SAMD12: variants seen among roughly 807,000 people sequenced by gnomAD.
The protein encoded by SAMD12 is sterile alpha motif domain containing 12.
A neutral mutation model predicts 15.0 loss-of-function variants in SAMD12; 9 were observed. The ratio of observed to expected loss-of-function variants is 0.60; its 90% CI spans 0.36 to 1.05. The LOEUF (loss-of-function observed/expected upper bound fraction) is 1.05, where lower values mean the gene tolerates loss of function less well. SAMD12 is among the 50% of genes least tolerant of loss of function. The pLI is 0.01. For synonymous variants in SAMD12, 86 were observed against 90.1 expected (o/e 0.96, Z 0.25); for missense variants, 230 against 234.2 (o/e 0.98, Z 0.12).
At chr8:118,479,132 T>C (rs999729948) in intron 2 of SAMD12, among the ~76,000 whole-genome samples, 1 of 148,364 alleles carries the variant, frequency 6.7e-6, no homozygotes, top group African/African-American at 2.6e-5. Flanking sequence ...TGTGTCTCAG[T>C]TTCTGTCTCT....
intron 2 of SAMD12, among the ~76,000 whole-genome samples, chr8:118,553,249 G>A (rs1354655577): frequency 6.6e-6 from 1 of 152,134 alleles, no homozygotes; most frequent in Non-Finnish European, 1.5e-5. Context: ...AAAGAACAAA[G>A]CTGGAGGCAT....
chr8:118,482,455 G>A (rs145391533), intron 2 of SAMD12, among the ~76,000 whole-genome samples: 29 of 149,806 alleles, frequency 1.9e-4, no homozygotes, highest in African/African-American at 6.1e-4. Flanking sequence ...AACCTTGGAC[G>A]GGAAATATAT....
At chr8:118,402,674 C>T (rs1038634751) in intron 3 of SAMD12, among the ~76,000 whole-genome samples, 3 of 152,170 alleles carry the variant, frequency 2.0e-5, no homozygotes, top group Middle Eastern at 3.2e-3. Context: ...TAAATATTCT[C>T]CTGTGTGTGT....
chr8:118,467,934 A>G (rs1823644744), intron 2 of SAMD12, among the ~76,000 whole-genome samples: 1 of 152,200 alleles, frequency 6.6e-6, no homozygotes, highest in African/African-American at 2.4e-5. Context: ...CGAGTGCATA[A>G]AGATGGGGAC....
intron 2 of SAMD12, among the ~76,000 whole-genome samples, chr8:118,509,882 T>C (rs781225524): frequency 3.3e-5 from 5 of 152,188 alleles, no homozygotes; most frequent in African/African-American, 7.2e-5. Context: ...AAGCATAACA[T>C]TGTAATTGTT....
chr8:118,401,685 T>G (rs1310981561), intron 3 of SAMD12, among the ~76,000 whole-genome samples: 2 of 152,018 alleles, frequency 1.3e-5, no homozygotes, highest in Non-Finnish European at 2.9e-5. Context: ...AAGGGCTTCA[T>G]GTAAAAGATC....
intron 2 of SAMD12, among the ~76,000 whole-genome samples, chr8:118,521,668 C>CGTT (rs1825393131): frequency 6.6e-6 from 1 of 151,322 alleles, no homozygotes; most frequent in Non-Finnish European, 1.5e-5. Flanking sequence ...TCTTCCAAGA[C>CGTT]TGGGCTGTGC....
chr8:118,296,820 C>T (rs1481080139), intron 4 of SAMD12, among the ~76,000 whole-genome samples: 1 of 152,210 alleles, frequency 6.6e-6, no homozygotes, highest in Non-Finnish European at 1.5e-5. Context: ...TTCATTCACT[C>T]ACTCATTCAT....
At chr8:118,380,531 C>T (rs1022483379) in intron 3 of SAMD12, among the ~76,000 whole-genome samples, 7 of 152,196 alleles carry the variant, frequency 4.6e-5, no homozygotes, top group African/African-American at 1.7e-4. Context: ...CCACTCTGTG[C>T]TTGCCCTAAA....
At chr8:118,178,332 T>C in the SAMD12 span, among the ~76,000 whole-genome samples, 1 of 152,200 alleles carries the variant, frequency 6.6e-6, no homozygotes, top group Admixed American at 6.5e-5. Context: ...TGGAAATGCA[T>C]GCAAGAAACA....
the SAMD12 span, among the ~76,000 whole-genome samples, chr8:118,175,034 C>CAAAAAAAAAA: frequency 3.8e-5 from 3 of 78,786 alleles, no homozygotes; most frequent in Non-Finnish European, 6.1e-5. Flanking sequence ...CAAAAAAAAA[C>CAAAAAAAAAA]AAAAAAAAAA....
the SAMD12 span, among the ~76,000 whole-genome samples, chr8:118,146,774 A>G: frequency 8.2e-3 from 1,255 of 152,320 alleles, 18 homozygotes; most frequent in African/African-American, 0.027. Flanking sequence ...GAGTATCACA[A>G]TAGGGCCTGG....
chr8:118,199,617 A>G (rs1003064342), intron 4 of SAMD12, among the ~76,000 whole-genome samples: 4 of 152,252 alleles, frequency 2.6e-5, no homozygotes, highest in Non-Finnish European at 5.9e-5. Context: ...TAGGTTTATC[A>G]TAGTTACTGC....
At chr8:118,320,635 G>C (rs1389160480) in intron 4 of SAMD12, among the ~76,000 whole-genome samples, 1 of 136,736 alleles carries the variant, frequency 7.3e-6, no homozygotes, top group East Asian at 2.2e-4. Context: ...CTTGGACACA[G>C]GAAGGGGAAC....
chr8:118,278,659 T>A (rs56704931), intron 4 of SAMD12, among the ~76,000 whole-genome samples: 1 of 152,014 alleles, frequency 6.6e-6, no homozygotes, highest in African/African-American at 2.4e-5. Context: ...CAGGTTGGAG[T>A]AACATACCTA....
chr8:118,348,284 G>A (rs10106762), intron 4 of SAMD12, among the ~76,000 whole-genome samples: 1,866 of 152,164 alleles, frequency 0.012, 42 homozygotes, highest in African/African-American at 0.043. Context: ...GCCCAGGCTG[G>A]TCTCGAACTG....
intron 3 of SAMD12, among the ~76,000 whole-genome samples, chr8:118,435,878 C>T (rs908032888): frequency 2.6e-5 from 4 of 152,108 alleles, no homozygotes; most frequent in Non-Finnish European, 5.9e-5. Context: ...AGGGAGAATC[C>T]GAACAGCGGA....
intron 4 of SAMD12, among the ~76,000 whole-genome samples, chr8:118,208,957 A>T (rs1429274620): frequency 2.0e-5 from 3 of 152,182 alleles, no homozygotes; most frequent in Non-Finnish European, 4.4e-5. Context: ...TCCCAGAATC[A>T]CTCTATATAC....
intron 3 of SAMD12, among the ~76,000 whole-genome samples, chr8:118,412,549 G>A (rs1821464811): frequency 1.3e-5 from 2 of 152,178 alleles, no homozygotes; most frequent in Non-Finnish European, 2.9e-5. Flanking sequence ...CGGGAGCATG[G>A]AGGATTTGTG....
Sources: gnomAD v4.1 joint callset for allele counts (sites outside exome capture counted in the v4.1 genomes callset) on GRCh38, gnomAD v4.1.1 for gene constraint, MANE v1.5 for transcripts, NCBI Gene and HGNC (gene_info 2026-07-23, HGNC 2026-07-21) for gene names.